Variants in TIMELESS observed in about 807,000 individuals in gnomAD.
The protein encoded by TIMELESS is timeless circadian regulator, also known as protein timeless homolog.
In TIMELESS, 124 loss-of-function variants were observed where a neutral mutation model predicts 164.3. That is an observed-to-expected ratio of 0.75 (90% CI 0.65 to 0.88). The LOEUF is 0.88. Among genes scored for constraint, TIMELESS ranks in the 40% least tolerant of loss-of-function variants. The pLI is 0.00. For missense variants in TIMELESS, 1,422 were observed against 1,491.4 expected (o/e 0.95, Z 0.77); for synonymous variants, 564 against 563.4 (o/e 1.00, Z -0.02).
At position 56,422,184 on chromosome 12, in the gene TIMELESS, T is replaced by C. The variant is rs932722874; in HGVS notation, c.2446A>G (p.Ser816Gly). Reference sequence around the variant, plus strand: ...GGGCTCCATGTAGGTGCTCTGCGACTGGAAGACCTGAATGGTGAAAGGAGA... The same window carrying C: ...GGGCTCCATGTAGGTGCTCTGCGACCGGAAGACCTGAATGGTGAAAGGAGA... ...GYGSLDDRSS[S>G]RRAPTWSPEE... Residue 816 changes from serine to glycine, a missense_variant, in exon 20 of 29, where the codon AGT becomes GGT. Ser to Gly is a moderately conservative substitution (Grantham distance 56). Coordinates refer to ENST00000553532, the MANE Select transcript of TIMELESS (RefSeq NM_003920.5). 2 of 1,614,024 alleles carry C rather than the reference T, an allele frequency of 1.2e-6. No homozygotes were observed. Among genetic ancestry groups the C allele is most frequent in the East Asian group, 2.2e-5 (1 of 44,876 alleles).
intron 19 of TIMELESS, among the ~76,000 whole-genome samples, 193 bp from the exon 20 acceptor site, chr12:56,422,384 A>G (rs1881527478): frequency 6.6e-6 from 1 of 152,192 alleles, no homozygotes; most frequent in African/African-American, 2.4e-5. Context: ...AAGTCAAACT[A>G]AGAGATTTTC....
intron 1 of TIMELESS, among the ~76,000 whole-genome samples, chr12:56,435,725 T>A (rs1037066395): frequency 3.3e-5 from 5 of 152,050 alleles, no homozygotes; most frequent in Non-Finnish European, 7.4e-5. Flanking sequence ...TTTGGGAGGC[T>A]GAGGCGGGCG....
intron 1 of TIMELESS, among the ~76,000 whole-genome samples, chr12:56,441,502 C>T (rs116462224): frequency 0.016 from 2,420 of 152,270 alleles, 48 homozygotes; most frequent in African/African-American, 0.053. Context: ...TGATGTACAC[C>T]TTTAGTCCCA....
In TIMELESS at chr12:56,421,415, C is replaced by T. The variant is rs1224286842; in HGVS notation, c.2804G>A (p.Gly935Glu). 4 of 1,613,970 alleles carry T rather than the reference C, an allele frequency of 2.5e-6. No individual in the cohort carries two copies. In the East Asian group the frequency reaches 6.7e-5, roughly 27 times the overall value. Residue 935 changes from glycine to glutamate, a missense_variant, in exon 23 of 29, where the codon GGG becomes GAG. Transcript: ENST00000553532. ...ARIVDKLLAL[G>E]LVAERRELYK... ...CAGCTCCCGCCGCTCAGCCACCAGCCCCAGAGCCAAGAGTTTATCCACTAT... is the reference window on the plus strand; with the variant it reads ...CAGCTCCCGCCGCTCAGCCACCAGCTCCAGAGCCAAGAGTTTATCCACTAT...
Position 56,421,711 on chromosome 12 carries a change from T to C in TIMELESS, c.2725+16A>G. ...GCTTTCATCTCAAAGGTCCCCTGAGTTTCCAGCTTACTCACCATCTGAGTC... is the reference window on the plus strand; with the variant it reads ...GCTTTCATCTCAAAGGTCCCCTGAGCTTCCAGCTTACTCACCATCTGAGTC... On this transcript the variant is annotated intron_variant, in intron 22 of 28. Transcript: ENST00000553532. 6.2e-7 allele frequency: 1 copy of C among 1,613,736 alleles called. No homozygotes were observed. The highest frequency in any genetic ancestry group is 8.5e-7 in the Non-Finnish European group (1 of 1,179,806).
chr12:56,429,007 A>G lies in TIMELESS; in HGVS notation c.1180T>C (p.Phe394Leu), dbSNP rs757013644. ...FFMAFNRAAS[F>L]RPGLVSETLS... is the part of the protein sequence containing the mutation. ...GTCTCAGAAACCAGGCCTGGCCGGA[A>G]GGAGGCAGCTCGGTTGAAGGCCATG... The change falls in exon 11 of 29, where the codon TTC becomes CTC. Residue 394 changes from phenylalanine (F) to leucine (L), a missense_variant. Coordinates refer to ENST00000553532, the MANE Select transcript of TIMELESS (RefSeq NM_003920.5). 6.8e-6 allele frequency: 11 copies of G among 1,614,094 alleles called. No homozygotes were observed. The African/African-American group carries it at 1.3e-4, about 20-fold the overall frequency.
At chr12:56,423,249 A>T in intron 18 of TIMELESS, 25 bp downstream of exon 18, 1 of 1,613,212 alleles carries the variant, frequency 6.2e-7, no homozygotes, top group Non-Finnish European at 8.5e-7. Flanking sequence ...CCCTTCCAGA[A>T]CCCCATTCCT....
Position 56,423,576 on chromosome 12 carries a change from G to T in TIMELESS, c.2090+8C>A. ...CTCTAGGACCAACTCAGGCCTCTCA[G>T]CCCGCACCGTTTCAGGTAGTCCAGA... On this transcript the variant is annotated splice_region_variant and intron_variant, in intron 17 of 28. Transcript: ENST00000553532. 6.2e-7 allele frequency: 1 copy of T among 1,614,018 alleles called. No homozygotes were observed. The highest frequency in any genetic ancestry group is 8.5e-7 in the Non-Finnish European group (1 of 1,179,970).
At chr12:56,419,754 C>G (rs1212579468) in intron 26 of TIMELESS, among the ~76,000 whole-genome samples, 2 of 151,570 alleles carry the variant, frequency 1.3e-5, no homozygotes, top group Non-Finnish European at 2.9e-5. Context: ...ATTCAAACCA[C>G]TGTAGATCGA....
rs752942918 is a variant in TIMELESS, at chr12:56,423,042, C to T, written c.2293-50G>A. The T allele has an allele frequency of 1.2e-5, 19 of 1,577,698 alleles. 1 individual carries two copies. The highest frequency in any genetic ancestry group is 5.5e-5 in the Admixed American group (3 of 54,716). ...AGGCCTCTCTGGTCCAATGCAGACC[C>T]GAACCTGGCCCTCTAGGTATTTTCT... is the stretch of plus-strand genomic sequence containing the variant. On this transcript the variant is annotated intron_variant, in intron 18 of 28. Transcript: ENST00000553532.
At chr12:56,448,587 G>C (rs1868434906) in intron 1 of TIMELESS, among the ~76,000 whole-genome samples, 1 of 151,214 alleles carries the variant, frequency 6.6e-6, no homozygotes, top group African/African-American at 2.4e-5. Flanking sequence ...AAATTAGCCG[G>C]GCATGGTGGC....
intron 1 of TIMELESS, among the ~76,000 whole-genome samples, chr12:56,448,738 T>C (rs574829403): frequency 6.6e-6 from 1 of 151,856 alleles, no homozygotes; most frequent in South Asian, 2.1e-4. Context: ...CAAAATAAAA[T>C]AAAATAAATA....
rs1024280378 is a variant in TIMELESS at position 56,421,077 on chromosome 12, T to C, written c.2926A>G (p.Asn976Asp). The stretch of plus-strand genomic sequence containing the variant: ...TCTTCGCTGTCTTCCTCAGGCAGGT[T>C]TTCCTCTTCTTCCAGATCTTCCTGG... ...FCQEDLEEEE[N>D]LPEEDSEEEE... is the part of the protein sequence containing the mutation. The change falls in exon 24 of 29, where the codon AAC becomes GAC. Residue 976 changes from asparagine (N) to aspartate (D), a missense_variant. Physicochemically the swap from Asn to Asp is conservative, Grantham distance 23. Transcript: ENST00000553532. 1.1e-5 allele frequency: 17 copies of C among 1,614,038 alleles called. No homozygotes were observed. In the African/African-American group the frequency reaches 2.3e-4, roughly 22 times the overall value.
At chr12:56,438,306 A>G (rs1349160461) in intron 1 of TIMELESS, among the ~76,000 whole-genome samples, 1 of 151,964 alleles carries the variant, frequency 6.6e-6, no homozygotes, top group Non-Finnish European at 1.5e-5. Flanking sequence ...TGGCCTCACA[A>G]AGTGCAGGGA....
At chr12:56,439,029 G>A (rs1000191113) in intron 1 of TIMELESS, among the ~76,000 whole-genome samples, 3 of 151,566 alleles carry the variant, frequency 2.0e-5, no homozygotes, top group Non-Finnish European at 4.4e-5. Context: ...AGCTGGGCAT[G>A]GTGGCGGGCG....
intron 1 of TIMELESS, 150 bp from the exon 2 acceptor site, chr12:56,434,381 G>A: frequency 1.8e-6 from 1 of 570,150 alleles, no homozygotes; most frequent in South Asian, 2.1e-5. Context: ...CTCAGCCCCA[G>A]AGAAAGTTTT....
chr12:56,438,044 ATTT>A (rs113700259), intron 1 of TIMELESS, among the ~76,000 whole-genome samples: 1 of 144,784 alleles, frequency 6.9e-6, no homozygotes, highest in Non-Finnish European at 1.5e-5. Flanking sequence ...CTTGATAAAC[ATTT>A]TTTTTTTTTT....
chr12:56,444,930 G>T (rs943855585), intron 1 of TIMELESS, among the ~76,000 whole-genome samples: 2 of 150,814 alleles, frequency 1.3e-5, no homozygotes, highest in Non-Finnish European at 2.9e-5. Context: ...CTGTATTTCT[G>T]GCCCCTCTGA....
intron 1 of TIMELESS, among the ~76,000 whole-genome samples, chr12:56,441,428 C>T (rs535667159): frequency 9.2e-4 from 139 of 151,814 alleles, no homozygotes; most frequent in South Asian, 1.7e-3. Context: ...TTGAGACCAG[C>T]CTGGGCAACA....
Sources: gnomAD v4.1 joint callset for allele counts (sites outside exome capture counted in the v4.1 genomes callset) on GRCh38, gnomAD v4.1.1 for gene constraint, MANE v1.5 for transcripts, NCBI Gene and HGNC (gene_info 2026-07-23, HGNC 2026-07-21) for gene names.